GPC5: variants seen among roughly 807,000 people sequenced by gnomAD.
GPC5 encodes the protein glypican-5.
In GPC5, 47 loss-of-function variants were observed where a neutral mutation model predicts 53.9. That is an observed-to-expected ratio of 0.87 (90% CI 0.69 to 1.11). The LOEUF is 1.11. GPC5 is among the 50% of genes most tolerant of loss of function. The pLI, the probability that GPC5 is intolerant of heterozygous loss-of-function variation, is 0.00. For missense variants in GPC5, 748 were observed against 713.1 expected (o/e 1.05, Z -0.56); for synonymous variants, 286 against 263.3 (o/e 1.09, Z -0.84).
intron 7 of GPC5, among the ~76,000 whole-genome samples, chr13:92,788,681 G>A (rs375139533): frequency 4.6e-5 from 7 of 152,082 alleles, no homozygotes; most frequent in South Asian, 2.1e-4. Context: ...TGCTGGGTCC[G>A]TTTGGCTAAT....
intron 7 of GPC5, among the ~76,000 whole-genome samples, chr13:92,321,402 GC>G (rs2139223224): frequency 6.6e-6 from 1 of 152,274 alleles, no homozygotes; most frequent in African/African-American, 2.4e-5. Flanking sequence ...GACCATCCTG[GC>G]CAACATCGTG....
intron 7 of GPC5, among the ~76,000 whole-genome samples, chr13:92,557,155 C>T (rs1289558938): frequency 6.6e-6 from 1 of 151,624 alleles, no homozygotes; most frequent in African/African-American, 2.4e-5. Context: ...ATTCTAGCCC[C>T]TTTTGATGGA....
At chr13:91,569,674 G>C (rs1314884391) in intron 2 of GPC5, among the ~76,000 whole-genome samples, 1 of 152,090 alleles carries the variant, frequency 6.6e-6, no homozygotes, top group Non-Finnish European at 1.5e-5. Context: ...CCTCATTTTG[G>C]TAGTATTACG....
chr13:91,630,883 A>G (rs1364816609), intron 2 of GPC5, among the ~76,000 whole-genome samples: 1 of 152,142 alleles, frequency 6.6e-6, no homozygotes, highest in African/African-American at 2.4e-5. Flanking sequence ...TCCCTTAACA[A>G]TAAGAGATAT....
intron 7 of GPC5, among the ~76,000 whole-genome samples, chr13:92,515,614 A>G (rs1880744100): frequency 6.6e-6 from 1 of 152,212 alleles, no homozygotes; most frequent in Non-Finnish European, 1.5e-5. Flanking sequence ...ATGAATATAA[A>G]TTTCTAAAGC....
At chr13:92,042,209 C>T (rs948149256) in intron 6 of GPC5, among the ~76,000 whole-genome samples, 5 of 152,110 alleles carry the variant, frequency 3.3e-5, no homozygotes, top group South Asian at 2.1e-4. Flanking sequence ...ATTCCCTATC[C>T]GTGGAACTTA....
intron 7 of GPC5, among the ~76,000 whole-genome samples, chr13:92,807,820 A>T (rs1566427247): frequency 2.6e-5 from 4 of 152,136 alleles, no homozygotes; most frequent in Non-Finnish European, 5.9e-5. Context: ...CTGTGTGACT[A>T]ACACGCCTTT....
intron 6 of GPC5, among the ~76,000 whole-genome samples, chr13:92,122,300 A>T (rs9560927): frequency 0.12 from 5,403 of 46,288 alleles, 207 homozygotes; most frequent in African/African-American, 0.38. Context: ...CTTTTTTTTT[A>T]ATCTGCTGGC....
intron 1 of GPC5, among the ~76,000 whole-genome samples, chr13:91,405,623 G>C (rs1877264720): frequency 6.6e-6 from 1 of 152,144 alleles, no homozygotes; most frequent in South Asian, 2.1e-4. Context: ...TTTTAACTCT[G>C]GGTCTTTTGC....
At chr13:91,505,199 A>T (rs371803661) in intron 2 of GPC5, among the ~76,000 whole-genome samples, 2 of 152,330 alleles carry the variant, frequency 1.3e-5, no homozygotes, top group African/African-American at 2.4e-5. Flanking sequence ...AGCTAGGAAG[A>T]TCAATCTTAA....
chr13:92,167,604 A>G (rs1334250806), intron 7 of GPC5, among the ~76,000 whole-genome samples: 1 of 152,240 alleles, frequency 6.6e-6, no homozygotes, highest in African/African-American at 2.4e-5. Flanking sequence ...TGAGACTAAA[A>G]ACAATGAAAA....
chr13:92,284,804 T>C (rs974953530), intron 7 of GPC5, among the ~76,000 whole-genome samples: 8 of 152,144 alleles, frequency 5.3e-5, no homozygotes, highest in Admixed American at 6.5e-5. Flanking sequence ...GGGCAAAAAC[T>C]GGAAGCATTC....
At chr13:92,247,238 A>G (rs2042659500) in intron 7 of GPC5, among the ~76,000 whole-genome samples, 1 of 152,296 alleles carries the variant, frequency 6.6e-6, no homozygotes, top group African/African-American at 2.4e-5. Flanking sequence ...ACTTGCATGT[A>G]TATATGTATG....
intron 7 of GPC5, among the ~76,000 whole-genome samples, chr13:92,693,320 A>T (rs1594424555): frequency 6.6e-6 from 1 of 152,188 alleles, no homozygotes; most frequent in African/African-American, 2.4e-5. Context: ...CAGAGGTTGG[A>T]ACAGTTTAGA....
In GPC5 at chr13:91,635,189, A is replaced by G. The variant is rs139478034; in HGVS notation, c.326-57998A>G. 3.4e-3 allele frequency among the ~76,000 whole-genome samples: 524 copies of G among 152,220 alleles called. 4 individuals carry two copies. Among genetic ancestry groups the G allele is most frequent in the African/African-American group, 0.012 (510 of 41,572 alleles). Reference sequence around the variant, plus strand: ...ATTTTAATGTTCTGTTAGGTATTTTAATGAATGTATTTTCCAGAAAAAGCC... The same window carrying G: ...ATTTTAATGTTCTGTTAGGTATTTTGATGAATGTATTTTCCAGAAAAAGCC... On this transcript the variant is annotated intron_variant, in intron 2 of 7. Transcript: ENST00000377067.
At chr13:92,597,175 G>A (rs192618044) in intron 7 of GPC5, among the ~76,000 whole-genome samples, 1 of 152,088 alleles carries the variant, frequency 6.6e-6, no homozygotes, top group Admixed American at 6.6e-5. Context: ...CAGGAATTTG[G>A]CATCTGCCTT....
chr13:92,115,230 C>T (rs1018679671), intron 6 of GPC5, among the ~76,000 whole-genome samples: 1 of 152,176 alleles, frequency 6.6e-6, no homozygotes, highest in South Asian at 2.1e-4. Context: ...CAATTCTGGC[C>T]AGGTGTGGTG....
chr13:91,402,186 C>A (rs895998407), intron 1 of GPC5, among the ~76,000 whole-genome samples: 3 of 152,092 alleles, frequency 2.0e-5, no homozygotes, highest in African/African-American at 7.2e-5. Context: ...AATTTATATA[C>A]CAACTATTTT....
chr13:91,703,874 G>A (rs1355752388), intron 3 of GPC5, among the ~76,000 whole-genome samples: 1 of 152,012 alleles, frequency 6.6e-6, no homozygotes, highest in Non-Finnish European at 1.5e-5. Context: ...TTCAGTCTTG[G>A]TAGTTTGTAT....
Sources: gnomAD v4.1 joint callset for allele counts (sites outside exome capture counted in the v4.1 genomes callset) on GRCh38, gnomAD v4.1.1 for gene constraint, MANE v1.5 for transcripts, NCBI Gene and HGNC (gene_info 2026-07-23, HGNC 2026-07-21) for gene names.